MYO9B: variants seen among roughly 807,000 people sequenced by gnomAD.
MYO9B encodes myosin IXB.
Under a neutral mutation model 229.5 loss-of-function variants are expected in MYO9B, and 71 were observed. The observed-to-expected ratio is 0.31, with a 90% CI of 0.26 to 0.38. The LOEUF (loss-of-function observed/expected upper bound fraction) is 0.38. MYO9B is among the 10% of genes least tolerant of loss of function. The probability of loss-of-function intolerance (pLI) is 1.00; values close to 1 mark genes in which losing one functional copy is unlikely to be tolerated. For synonymous variants in MYO9B, 1,185 were observed against 1,235.8 expected (o/e 0.96, Z 0.86); for missense variants, 2,255 against 2,920.5 (o/e 0.77, Z 5.25).
intron 22 of MYO9B, among the ~76,000 whole-genome samples, chr19:17,196,683 C>CAA (rs1279205797): frequency 6.2e-5 from 6 of 97,162 alleles, no homozygotes; most frequent in African/African-American, 7.5e-5. Flanking sequence ...GACTCCGTCT[C>CAA]AAAAAAAAAA....
intron 11 of MYO9B, among the ~76,000 whole-genome samples, chr19:17,170,113 T>C (rs1356576946): frequency 6.6e-6 from 1 of 151,826 alleles, no homozygotes; most frequent in Non-Finnish European, 1.5e-5. Context: ...CCCAGGCTAG[T>C]CTTGAACTCC....
intron 30 of MYO9B, 125 bp from the exon 31 acceptor site, chr19:17,205,138 G>A (rs2145504346): frequency 7.6e-6 from 5 of 654,048 alleles, no homozygotes; most frequent in Non-Finnish European, 1.3e-5. Flanking sequence ...GAACAAGAGT[G>A]AGACTCCATC....
Position 17,212,382 on chromosome 19 carries a change from G to T in MYO9B, c.*72G>T. On this transcript the variant is annotated 3_prime_UTR_variant, in exon 40 of 40. Transcript: ENST00000682292. The surrounding 1 kb of genome is among the most constrained non-coding windows in gnomAD (Gnocchi z 5.4). ...TGGAGCTGGGCGCCAGAGCTGCAGA[G>T]CTAGTGTTCGGCCCTCAGAGAAGGA... is the stretch of plus-strand genomic sequence containing the variant. 4 of 1,393,432 alleles carry T rather than the reference G, an allele frequency of 2.9e-6. No individual in the cohort carries two copies. The highest frequency in any genetic ancestry group is 3.7e-6 in the Non-Finnish European group (4 of 1,070,348). 86.3% of individuals were successfully genotyped at this position (1,393,432 alleles called of 1,614,324 possible).
At chr19:17,138,878 A>G (rs1470738372) in intron 2 of MYO9B, among the ~76,000 whole-genome samples, 2 of 152,148 alleles carry the variant, frequency 1.3e-5, no homozygotes, top group African/African-American at 4.8e-5. Context: ...ACCTATACAA[A>G]TAGATGTAGC....
At chr19:17,135,558 C>T (rs576902054) in intron 2 of MYO9B, among the ~76,000 whole-genome samples, 2 of 152,286 alleles carry the variant, frequency 1.3e-5, no homozygotes, top group Admixed American at 6.5e-5. Context: ...AGCGCTGGGC[C>T]GCACTTCCCC....
At chr19:17,185,793 A>G (rs2072913181) in intron 17 of MYO9B, 128 bp from the exon 18 acceptor site, 3 of 676,934 alleles carry the variant, frequency 4.4e-6, no homozygotes, top group Non-Finnish European at 7.8e-6. Flanking sequence ...TCCCACCACC[A>G]GGGACCCACA....
intron 2 of MYO9B, among the ~76,000 whole-genome samples, chr19:17,143,650 A>G (rs1475298642): frequency 6.6e-6 from 1 of 151,926 alleles, no homozygotes; most frequent in Non-Finnish European, 1.5e-5. Flanking sequence ...GGCCAGGCAC[A>G]GTGGCTCACG....
At chr19:17,169,744 T>C (rs2072700349) in intron 11 of MYO9B, among the ~76,000 whole-genome samples, 1 of 148,088 alleles carries the variant, frequency 6.8e-6, no homozygotes, top group African/African-American at 2.5e-5. Context: ...TCCCTCTTCC[T>C]CTTCACATGG....
At chr19:17,141,676 G>A (rs1007073834) in intron 2 of MYO9B, among the ~76,000 whole-genome samples, 11 of 151,932 alleles carry the variant, frequency 7.2e-5, no homozygotes, top group South Asian at 2.1e-4. Context: ...CAGGGGCTCC[G>A]TCTTAACCAC....
At chr19:17,096,062 G>A (rs761422347) in intron 1 of MYO9B, among the ~76,000 whole-genome samples, 24 of 152,184 alleles carry the variant, frequency 1.6e-4, no homozygotes, top group South Asian at 4.2e-4. Flanking sequence ...ATAAGCCACC[G>A]CACTGGCCTT....
At chr19:17,155,799 G>T (rs567753502) in intron 6 of MYO9B, among the ~76,000 whole-genome samples, 1 of 151,944 alleles carries the variant, frequency 6.6e-6, no homozygotes, top group Non-Finnish European at 1.5e-5. Context: ...CAGGTGGATT[G>T]CCTGAGCTCA....
intron 2 of MYO9B, among the ~76,000 whole-genome samples, chr19:17,133,484 T>A (rs1007850715): frequency 6.6e-6 from 1 of 152,018 alleles, no homozygotes; most frequent in Non-Finnish European, 1.5e-5. Flanking sequence ...TGAGACAGGG[T>A]CTCGCTCTGT....
At chr19:17,133,081 T>C (rs955991521) in intron 2 of MYO9B, among the ~76,000 whole-genome samples, 2 of 151,548 alleles carry the variant, frequency 1.3e-5, no homozygotes, top group South Asian at 4.2e-4. Flanking sequence ...GTCCTGACCT[T>C]GTGATCCGCC....
intron 22 of MYO9B, among the ~76,000 whole-genome samples, chr19:17,197,406 TGATA>T (rs11455979): frequency 0.22 from 27,987 of 128,214 alleles, 3,181 homozygotes; most frequent in Middle Eastern, 0.28. Flanking sequence ...GATAGATAGA[TGATA>T]GATAGATAGA....
intron 1 of MYO9B, among the ~76,000 whole-genome samples, chr19:17,085,853 T>G (rs2057577458): frequency 6.6e-6 from 1 of 152,096 alleles, no homozygotes; most frequent in South Asian, 2.1e-4. Context: ...GCTGTGTGAT[T>G]GCACAGCAGG....
chr19:17,165,711 G>A (rs756244066), intron 10 of MYO9B, among the ~76,000 whole-genome samples: 2 of 152,152 alleles, frequency 1.3e-5, no homozygotes, highest in Non-Finnish European at 2.9e-5. Flanking sequence ...GGAGTTTGAG[G>A]CTACAGTGAG....
At chr19:17,126,051 C>T (rs927110125) in intron 2 of MYO9B, among the ~76,000 whole-genome samples, 1 of 152,186 alleles carries the variant, frequency 6.6e-6, no homozygotes, top group Non-Finnish European at 1.5e-5. Context: ...TTCGCAGGGT[C>T]TTCCTTGTGC....
rs79301316 is a variant in MYO9B at position 17,106,028 on chromosome 19, G to A, written c.840+3471G>A. Among the ~76,000 whole-genome samples the A allele has an allele frequency of 3.6e-3, 538 of 147,570 alleles. 6 individuals carry two copies. The highest frequency in any genetic ancestry group is 0.013 in the African/African-American group (516 of 39,736). On this transcript the variant is annotated intron_variant, in intron 2 of 39. Transcript: ENST00000682292. ...CTCTCCTCTATTCCTTTCTTGTCAG[G>A]GTCTCTCTCCGTTACCTAGAATGGA...
chr19:17,143,782 A>G (rs1428966823), intron 2 of MYO9B, among the ~76,000 whole-genome samples: 1 of 152,138 alleles, frequency 6.6e-6, no homozygotes, highest in Non-Finnish European at 1.5e-5. Flanking sequence ...TTAGCTGGGC[A>G]TGGTGGCACA....
Sources: allele counts gnomAD v4.1 joint callset (sites outside exome capture counted in the v4.1 genomes callset), GRCh38; gene constraint gnomAD v4.1.1; non-coding constraint Gnocchi (gnomAD v3.1); transcripts MANE v1.5; gene names NCBI Gene and HGNC (gene_info 2026-07-23, HGNC 2026-07-21).